Variants in PRDM2 observed in about 807,000 individuals in gnomAD.
PRDM2 encodes PR domain zinc finger protein 2.
PRDM2 carries 30 observed loss-of-function variants against 130.0 expected under a neutral mutation model. That is an observed-to-expected ratio of 0.23 (90% CI 0.17 to 0.31). The LOEUF is 0.31. Among genes scored for constraint, PRDM2 ranks in the 10% least tolerant of loss-of-function variants. The pLI, the probability that PRDM2 is intolerant of heterozygous loss-of-function variation, is 1.00. For synonymous variants in PRDM2, 871 were observed against 782.4 expected, an observed-to-expected ratio of 1.11 and a Z score of -1.89; for missense variants, 2,011 against 2,108.4, an observed-to-expected ratio of 0.95 and a Z score of 0.90.
intron 6 of PRDM2, among the ~76,000 whole-genome samples, chr1:13,756,747 C>A (rs1190865621): frequency 6.6e-6 from 1 of 152,164 alleles, no homozygotes; most frequent in East Asian, 1.9e-4. Flanking sequence ...TGTCATTATG[C>A]CATGAATTGC....
intron 8 of PRDM2, among the ~76,000 whole-genome samples, chr1:13,799,523 A>G (rs1325123086): frequency 1.3e-5 from 2 of 152,170 alleles, no homozygotes; most frequent in Admixed American, 1.3e-4. Context: ...ATCCTTCTGA[A>G]CTTTTTTGCT....
chr1:13,741,726 G>GTGTGTGTGTT (rs1643449006), intron 4 of PRDM2, among the ~76,000 whole-genome samples: 1 of 101,040 alleles, frequency 9.9e-6, no homozygotes, highest in Admixed American at 1.2e-4. Flanking sequence ...AAGTTTGTGT[G>GTGTGTGTGTT]TGTGTGTGTG....
chr1:13,778,671 G>A lies in PRDM2; in HGVS notation c.876G>A (p.Glu292=). The change falls in exon 8 of 10, where the codon GAG becomes GAA. Residue 292 remains glutamate (E), a synonymous_variant. Transcript: ENST00000311066. ...EDDDDDELED[E]GEEEASMPNE... ...ATGATGATGATGAGTTGGAAGACGA[G>A]GGGGAAGAAGAAGCCAGCATGCCAA... 1 of 1,614,176 alleles carries A rather than the reference G, an allele frequency of 6.2e-7. No homozygotes were observed. Among genetic ancestry groups the A allele is most frequent in the East Asian group, 2.2e-5 (1 of 44,890 alleles).
chr1:13,770,341 T>A (rs761234643), intron 6 of PRDM2: 1 of 491,966 alleles, frequency 2.0e-6, no homozygotes, highest in South Asian at 1.5e-5. Flanking sequence ...TAGACAGTTA[T>A]GTGATTTCAT....
Position 13,780,074 on chromosome 1 carries a change from A to C in PRDM2, c.2279A>C (p.Lys760Thr). The C allele has an allele frequency of 1.9e-6, 3 of 1,614,202 alleles. No individual in the cohort carries two copies. The highest frequency in any genetic ancestry group is 1.7e-6 in the Non-Finnish European group (2 of 1,180,046). ...GACTTTGGAAAGCCAAGTGATGGGAAAGCAGCATGGACCGATGCCGGGCTG... is the reference window on the plus strand; with the variant it reads ...GACTTTGGAAAGCCAAGTGATGGGACAGCAGCATGGACCGATGCCGGGCTG... ...LRDFGKPSDG[K>T]AAWTDAGLTS... Residue 760 changes from lysine (K) to threonine (T), a missense_variant, in exon 8 of 10, where the codon AAA (lysine) becomes ACA (threonine). By Grantham distance (78) the Lys-to-Thr change is moderately conservative. Around this residue, in one of 5 missense-constraint regions of PRDM2, gnomAD observed 1,288 missense variants for 1,237.7 expected, o/e 1.04. Coordinates refer to ENST00000311066, the MANE Select transcript of PRDM2 (RefSeq NM_001393986.1).
At position 13,782,562 on chromosome 1, in the gene PRDM2, G is replaced by C; in HGVS notation, c.4767G>C (p.Gly1589=). Residue 1589 remains glycine (G), a synonymous_variant, in exon 8 of 10, where the codon GGG becomes GGC. Coordinates refer to ENST00000311066, the MANE Select transcript of PRDM2 (RefSeq NM_001393986.1). ...IRMAKITHVE[G]KKPKAVAKNH... ...TGGCCAAAATAACTCATGTTGAGGG[G>C]AAAAAACCTAAAGCTGTGGCCAAGA... is the stretch of plus-strand genomic sequence containing the variant. 1 of 1,614,116 alleles carries C rather than the reference G, an allele frequency of 6.2e-7. No individual in the cohort carries two copies.
Position 13,771,910 on chromosome 1 carries a change from C to CA in PRDM2, c.512-1166dup, listed in dbSNP as rs1644368887. 1 of 152,120 alleles carries CA rather than the reference C, an allele frequency of 6.6e-6. No homozygotes were observed. Among genetic ancestry groups the CA allele is most frequent in the Non-Finnish European group, 1.5e-5 (1 of 68,022 alleles). The allele number at this position is 152,120 out of a possible 1,614,324, so 9.4% of individuals were successfully genotyped here. A position where few individuals can be genotyped will look rare whatever the true frequency, so the allele number is the denominator to read the frequency against. On this transcript the variant is annotated intron_variant, in intron 6 of 9. Coordinates refer to ENST00000311066, the MANE Select transcript of PRDM2 (RefSeq NM_001393986.1). The surrounding 1 kb of genome is among the most constrained non-coding windows in gnomAD (Gnocchi z 4.1). ...TTTCTACTTTTAATCTAGATGTTTTCAATGATGCTATTTTATGTCTCTGAC... is the reference window on the plus strand; with the variant it reads ...TTTCTACTTTTAATCTAGATGTTTTCAAATGATGCTATTTTATGTCTCTGAC...
intron 8 of PRDM2, among the ~76,000 whole-genome samples, chr1:13,794,044 C>T (rs1055590812): frequency 6.6e-6 from 1 of 152,124 alleles, no homozygotes; most frequent in Non-Finnish European, 1.5e-5. Flanking sequence ...CCTGGTCTGC[C>T]ATGATTACAT....
rs191834104 is a variant in PRDM2 at position 13,759,334 on chromosome 1, T to C, written c.511+9847T>C. ...TGTTTAGAACCCCAAGACGGAATTATGTGCAATGTTTGAAGTTGCAATGCC... is the reference window on the plus strand; with the variant it reads ...TGTTTAGAACCCCAAGACGGAATTACGTGCAATGTTTGAAGTTGCAATGCC... On this transcript the variant is annotated intron_variant, in intron 6 of 9. Transcript: ENST00000311066. Among the ~76,000 whole-genome samples, 310 of 152,348 alleles carry C rather than the reference T, an allele frequency of 2.0e-3. 1 individual carries two copies. The highest frequency in any genetic ancestry group is 3.8e-3 in the Non-Finnish European group (258 of 68,028).
intron 2 of PRDM2, 91 bp downstream of exon 2, chr1:13,715,705 T>G: frequency 8.8e-7 from 1 of 1,136,572 alleles, no homozygotes; most frequent in Non-Finnish European, 1.2e-6. Context: ...ACACATTCAT[T>G]TCTCCTGGAT....
chr1:13,774,859 C>CCCAGCTACT (rs1389519757), intron 7 of PRDM2, among the ~76,000 whole-genome samples: 1 of 151,850 alleles, frequency 6.6e-6, no homozygotes, highest in Non-Finnish European at 1.5e-5. Flanking sequence ...CGCCTGTAGT[C>CCCAGCTACT]CGGGAGGCTG....
chr1:13,756,999 G>C (rs906100456), intron 6 of PRDM2, among the ~76,000 whole-genome samples: 39 of 152,220 alleles, frequency 2.6e-4, no homozygotes, highest in African/African-American at 9.4e-4. Flanking sequence ...TTTCTAAGTA[G>C]GACAGTTATA....
At position 13,782,522 on chromosome 1, in the gene PRDM2, C is replaced by T; in HGVS notation, c.4727C>T (p.Ser1576Phe). 6.2e-7 allele frequency: 1 copy of T among 1,614,112 alleles called. No individual in the cohort carries two copies. Residue 1576 changes from serine to phenylalanine, a missense_variant, in exon 8 of 10, where the codon TCC becomes TTC. Transcript: ENST00000311066. Reference sequence around the variant, plus strand: ...CCAAGCTCCTCCTCTTTAAGGAACTCCAGCCCGATAAGAATGGCCAAAATA... The same window carrying T: ...CCAAGCTCCTCCTCTTTAAGGAACTTCAGCCCGATAAGAATGGCCAAAATA... ...KKPSSSSLRN[S>F]SPIRMAKITH...
chr1:13,720,614 G>A (rs1359058439), intron 2 of PRDM2, among the ~76,000 whole-genome samples: 1 of 152,140 alleles, frequency 6.6e-6, no homozygotes, highest in Non-Finnish European at 1.5e-5. Flanking sequence ...GTTACTGGTT[G>A]AAAATAATAA....
rs753990773 is a variant in PRDM2, at chr1:13,781,020, A to G, written c.3225A>G (p.Pro1075=). 21 of 1,602,936 alleles carry G rather than the reference A, an allele frequency of 1.3e-5. No individual in the cohort carries two copies. The African/African-American group carries it at 2.2e-4, about 17-fold the overall frequency. The change falls in exon 8 of 10, where the codon CCA becomes CCG. Residue 1075 remains proline (P), a synonymous_variant. Coordinates refer to ENST00000311066, the MANE Select transcript of PRDM2 (RefSeq NM_001393986.1). This position sits in a 1 kb window ranked among gnomAD's most constrained non-coding sequence, Gnocchi z 6.1. ...SSSSSSSSPS[P]PPLSAISSVV... ...CATCTTCCTCCTCTTCTCCTTCTCC[A>G]CCTCCTCTCTCCGCAATATCATCTG...
intron 4 of PRDM2, among the ~76,000 whole-genome samples, chr1:13,739,358 T>G (rs1411747683): frequency 6.6e-6 from 1 of 152,190 alleles, no homozygotes; most frequent in Non-Finnish European, 1.5e-5. Context: ...TATAAATGCT[T>G]TATTCAATCA....
intron 8 of PRDM2, among the ~76,000 whole-genome samples, chr1:13,804,947 T>C (rs1471055126): frequency 2.0e-5 from 3 of 152,180 alleles, no homozygotes; most frequent in African/African-American, 7.2e-5. Flanking sequence ...CTCACTACTA[T>C]GGGGACTGTG....
At chr1:13,808,095 A>G (rs1170060800) in intron 8 of PRDM2, among the ~76,000 whole-genome samples, 2 of 152,218 alleles carry the variant, frequency 1.3e-5, no homozygotes, top group Non-Finnish European at 2.9e-5. Flanking sequence ...TGTGTGGGGC[A>G]CACAGCAGGT....
intron 6 of PRDM2, among the ~76,000 whole-genome samples, chr1:13,765,708 G>A (rs1225187413): frequency 6.6e-6 from 1 of 152,098 alleles, no homozygotes; most frequent in Non-Finnish European, 1.5e-5. Context: ...CTCGTGTTCT[G>A]CCTGCCTCGG....
Sources: allele counts gnomAD v4.1 joint callset (sites outside exome capture counted in the v4.1 genomes callset), GRCh38; gene constraint gnomAD v4.1.1; regional missense constraint gnomAD v4.1.1; non-coding constraint Gnocchi (gnomAD v3.1); transcripts MANE v1.5; gene names NCBI Gene and HGNC (gene_info 2026-07-23, HGNC 2026-07-21).